Variants in DAB1 observed in about 807,000 individuals in gnomAD.
The protein encoded by DAB1 is DAB adaptor protein 1.
A neutral mutation model predicts 64.6 loss-of-function variants in DAB1; 15 were observed. The ratio of observed to expected loss-of-function variants is 0.23; its 90% CI spans 0.16 to 0.36. DAB1 has a LOEUF of 0.36. DAB1 is among the 10% of genes least tolerant of loss of function. The pLI, the probability that DAB1 is intolerant of heterozygous loss-of-function variation, is 1.00. For synonymous variants in DAB1, 235 were observed against 251.9 expected, an observed-to-expected ratio of 0.93 and a Z score of 0.64; for missense variants, 596 against 706.7, an observed-to-expected ratio of 0.84 and a Z score of 1.78.
chr1:57,539,942 A>G (rs1644781062), intron 7 of DAB1, among the ~76,000 whole-genome samples: 5 of 152,210 alleles, frequency 3.3e-5, no homozygotes. Context: ...CAGCATGAAG[A>G]TGAATTAGTG....
intron 3 of DAB1, among the ~76,000 whole-genome samples, chr1:58,451,172 C>T (rs958692536): frequency 2.0e-5 from 3 of 152,222 alleles, no homozygotes; most frequent in Non-Finnish European, 4.4e-5. Context: ...TCACTGCAGC[C>T]TCAGCCTCCT....
intron 5 of DAB1, among the ~76,000 whole-genome samples, chr1:57,966,662 G>C (rs1316259591): frequency 6.6e-6 from 1 of 152,158 alleles, no homozygotes; most frequent in Non-Finnish European, 1.5e-5. Flanking sequence ...TAACTGAACA[G>C]AGGCCTTAAC....
chr1:58,346,545 C>T (rs1010213528), intron 3 of DAB1, among the ~76,000 whole-genome samples: 20 of 152,204 alleles, frequency 1.3e-4, no homozygotes, highest in African/African-American at 4.6e-4. Flanking sequence ...GATAAGTAAT[C>T]TTCTTCAGAA....
chr1:58,446,509 C>T (rs1181996780), intron 3 of DAB1, among the ~76,000 whole-genome samples: 1 of 152,120 alleles, frequency 6.6e-6, no homozygotes, highest in Admixed American at 6.5e-5. Context: ...TTCCTATTTA[C>T]TGAGCAAAGT....
chr1:57,058,962 AT>A lies in DAB1; in HGVS notation c.723+3921del, dbSNP rs1250661759. On this transcript the variant is annotated intron_variant, in intron 9 of 14. Coordinates refer to ENST00000371236, the MANE Select transcript of DAB1 (RefSeq NM_001365792.1). The stretch of plus-strand genomic sequence containing the variant: ...ATATGTTAAGAGAAAATGACAATCC[AT>A]TAGGATCAGTGCAAAGAGAAGTATT... Among the ~76,000 whole-genome samples the A allele has an allele frequency of 5.9e-5, 9 of 152,366 alleles. 1 individual carries two copies. In the South Asian group the frequency reaches 1.7e-3, roughly 28 times the overall value.
At chr1:57,888,383 C>T (rs924649743), upstream of DAB1, among the ~76,000 whole-genome samples, 14 of 152,060 alleles carry the variant, frequency 9.2e-5, no homozygotes, top group Non-Finnish European at 1.8e-4. Context: ...GTAAACAAGC[C>T]CTCGATTCCA....
chr1:58,369,709 A>C (rs1352667987), intron 3 of DAB1, among the ~76,000 whole-genome samples: 2 of 152,244 alleles, frequency 1.3e-5, no homozygotes, highest in Non-Finnish European at 2.9e-5. Flanking sequence ...AGGTTAAATG[A>C]ATTAAGTTAT....
intron 1 of DAB1, among the ~76,000 whole-genome samples, chr1:57,304,481 G>A (rs574512957): frequency 7.2e-5 from 11 of 152,256 alleles, no homozygotes; most frequent in South Asian, 2.1e-4. Context: ...ACCGTCTCAC[G>A]GACTTGCCCT....
intron 3 of DAB1, among the ~76,000 whole-genome samples, chr1:58,488,135 C>T (rs1180470190): frequency 6.6e-6 from 1 of 152,036 alleles, no homozygotes; most frequent in African/African-American, 2.4e-5. Flanking sequence ...TTAGTAAAAA[C>T]TCATGAAAAT....
chr1:57,837,118 G>A (rs1652841688), intron 1 of DAB1, among the ~76,000 whole-genome samples: 1 of 152,164 alleles, frequency 6.6e-6, no homozygotes, highest in Non-Finnish European at 1.5e-5. Flanking sequence ...GGCTACAACA[G>A]TAGTCTCATA....
At chr1:57,562,506 TCA>T (rs1313772764) in intron 7 of DAB1, among the ~76,000 whole-genome samples, 1 of 152,228 alleles carries the variant, frequency 6.6e-6, no homozygotes, top group African/African-American at 2.4e-5. Context: ...CCTTTTGAAG[TCA>T]CAGTTACAAT....
chr1:58,056,398 C>G (rs138904026), intron 5 of DAB1: 3 of 1,568,014 alleles, frequency 1.9e-6, no homozygotes, highest in Non-Finnish European at 2.6e-6. Flanking sequence ...GGGCACGCAT[C>G]GGGCACAGTT....
chr1:57,240,524 AC>A (rs2100473310), intron 2 of DAB1, among the ~76,000 whole-genome samples: 1 of 152,308 alleles, frequency 6.6e-6, no homozygotes, highest in East Asian at 1.9e-4. Context: ...CCTACACTAC[AC>A]ATGAGGATAA....
chr1:57,053,492 CCCACCT>C (rs1431851271), intron 9 of DAB1, among the ~76,000 whole-genome samples: 15 of 151,456 alleles, frequency 9.9e-5, no homozygotes, highest in African/African-American at 1.5e-4. Flanking sequence ...AAGAGATCCT[CCCACCT>C]CCACCTCCAC....
At chr1:58,016,427 G>A (rs1408729160) in intron 5 of DAB1, among the ~76,000 whole-genome samples, 3 of 152,252 alleles carry the variant, frequency 2.0e-5, no homozygotes, top group Admixed American at 6.5e-5. Flanking sequence ...TAAGTGATAC[G>A]AGGATGATTC....
intron 7 of DAB1, among the ~76,000 whole-genome samples, chr1:57,431,143 C>CAAAAAAAAAAAAAAAAAAAAAAAAAAA (rs77701798): frequency 1.0e-5 from 1 of 96,406 alleles, no homozygotes; most frequent in African/African-American, 3.7e-5. Flanking sequence ...AGGCCAAAAA[C>CAAAAAAAAAAAAAAAAAAAAAAAAAAA]AAAAAAAAAA....
chr1:58,023,601 C>T (rs565954944), intron 5 of DAB1, among the ~76,000 whole-genome samples: 1 of 152,112 alleles, frequency 6.6e-6, no homozygotes, highest in African/African-American at 2.4e-5. Flanking sequence ...CAAAGATTAC[C>T]ACCCAATAAA....
chr1:57,086,644 A>ACACAC (rs1653101066), intron 4 of DAB1, among the ~76,000 whole-genome samples: 2 of 118,530 alleles, frequency 1.7e-5, no homozygotes, highest in African/African-American at 3.3e-5. Context: ...TTCTGTCTTA[A>ACACAC]ACACACACAC....
At chr1:57,355,155 CTTCCCTCT>C (rs1180599725) in intron 1 of DAB1, among the ~76,000 whole-genome samples, 1 of 151,138 alleles carries the variant, frequency 6.6e-6, no homozygotes, top group African/African-American at 2.4e-5. Flanking sequence ...TGATTTCTTC[CTTCCCTCT>C]TTCCCTCTTC....
Sources: gnomAD v4.1 joint callset for allele counts (sites outside exome capture counted in the v4.1 genomes callset) on GRCh38, gnomAD v4.1.1 for gene constraint, MANE v1.5 for transcripts, NCBI Gene and HGNC (gene_info 2026-07-23, HGNC 2026-07-21) for gene names.